Variants in NPAS3 observed in about 807,000 individuals in gnomAD.
NPAS3 encodes the protein neuronal PAS domain-containing protein 3.
NPAS3 carries 14 observed loss-of-function variants against 73.1 expected under a neutral mutation model. That is an observed-to-expected ratio of 0.19 (90% CI 0.13 to 0.30). NPAS3 has a LOEUF of 0.30. Among genes scored for constraint, NPAS3 ranks in the 10% least tolerant of loss-of-function variants. The pLI is 1.00. For synonymous variants in NPAS3, 620 were observed against 541.5 expected (o/e 1.14, Z -2.01); for missense variants, 1,096 against 1,250.0 (o/e 0.88, Z 1.86).
intron 2 of NPAS3, among the ~76,000 whole-genome samples, chr14:33,167,671 C>T (rs1012464447): frequency 6.6e-6 from 1 of 152,236 alleles, no homozygotes; most frequent in Non-Finnish European, 1.5e-5. Flanking sequence ...TTCTTGAATG[C>T]ACATTTGTGA....
At chr14:33,680,992 G>A (rs544545649) in intron 6 of NPAS3, 9 of 216,842 alleles carry the variant, frequency 4.2e-5, no homozygotes, top group Middle Eastern at 3.2e-3. Context: ...CCAGCAAAAT[G>A]GAAACAGTAG....
chr14:33,683,984 G>GAA (rs1012876886), intron 6 of NPAS3, among the ~76,000 whole-genome samples: 2 of 152,126 alleles, frequency 1.3e-5, no homozygotes, highest in African/African-American at 4.8e-5. Flanking sequence ...ACAGCTGGAG[G>GAA]AAAAAGTGAT....
rs566203688 is a variant in NPAS3, at chr14:33,413,362, G to A, written c.468+46094G>A. On this transcript the variant is annotated intron_variant, in intron 4 of 11. Transcript: ENST00000356141. ...GTCCCTGGAAGCTGCATGAGGGCACGGCCCCACTTGTGTCTGTGCTGTGAC... is the reference window on the plus strand; with the variant it reads ...GTCCCTGGAAGCTGCATGAGGGCACAGCCCCACTTGTGTCTGTGCTGTGAC... Among the ~76,000 whole-genome samples, 6 of 151,930 alleles carry A rather than the reference G, an allele frequency of 3.9e-5. No individual in the cohort carries two copies. In the South Asian group the frequency reaches 6.3e-4, roughly 16 times the overall value.
chr14:33,199,055 C>T (rs561166869), intron 2 of NPAS3, among the ~76,000 whole-genome samples: 61 of 152,304 alleles, frequency 4.0e-4, no homozygotes, highest in East Asian at 1.7e-3. Context: ...GCCGAGCCCA[C>T]GCCCACCTGG....
chr14:33,134,595 A>G (rs550879403), intron 2 of NPAS3, among the ~76,000 whole-genome samples: 1 of 152,282 alleles, frequency 6.6e-6, no homozygotes, highest in Admixed American at 6.5e-5. Context: ...GCTGTTTTAA[A>G]GATGCTTTGC....
intron 5 of NPAS3, among the ~76,000 whole-genome samples, chr14:33,622,235 C>T (rs976622545): frequency 6.6e-6 from 1 of 151,974 alleles, no homozygotes; most frequent in African/African-American, 2.4e-5. Context: ...TCTACTGGGT[C>T]CAAGATTGGG....
chr14:33,366,289 C>T (rs978232871), intron 3 of NPAS3, among the ~76,000 whole-genome samples: 5 of 150,692 alleles, frequency 3.3e-5, no homozygotes, highest in African/African-American at 1.2e-4. Flanking sequence ...AAAAAATAGG[C>T]AGAAGAACAG....
intron 3 of NPAS3, among the ~76,000 whole-genome samples, chr14:33,308,975 C>T (rs1392442828): frequency 1.3e-5 from 2 of 151,770 alleles, no homozygotes; most frequent in Non-Finnish European, 1.5e-5. Flanking sequence ...GAGAAATTTG[C>T]GAAAGAAAAA....
At chr14:33,003,524 A>AT (rs993958226) in intron 1 of NPAS3, among the ~76,000 whole-genome samples, 5 of 152,152 alleles carry the variant, frequency 3.3e-5, no homozygotes, top group African/African-American at 4.8e-5. Context: ...ACAGTTTAAG[A>AT]TTTTTTTCTG....
intron 2 of NPAS3, among the ~76,000 whole-genome samples, chr14:33,159,649 A>G (rs951608531): frequency 1.4e-5 from 2 of 144,534 alleles, no homozygotes; most frequent in Non-Finnish European, 3.0e-5. Flanking sequence ...CGCCTCCCGG[A>G]TTCACACCAT....
chr14:33,087,315 C>T (rs1035503395), intron 2 of NPAS3, among the ~76,000 whole-genome samples: 1 of 146,400 alleles, frequency 6.8e-6, no homozygotes, highest in Non-Finnish European at 1.5e-5. Flanking sequence ...TTAAAGACTT[C>T]AAGCCTAACA....
At chr14:33,789,440 G>C (rs1035742228) in intron 9 of NPAS3, among the ~76,000 whole-genome samples, 6 of 152,132 alleles carry the variant, frequency 3.9e-5, no homozygotes, top group African/African-American at 1.4e-4. Context: ...TCCCAGTTAC[G>C]TCTGGGACCT....
chr14:33,255,662 T>C lies in NPAS3; in HGVS notation c.385+40236T>C, dbSNP rs188361518. ...GACTCAGCCTGGTCTCACCCTGTTA[T>C]AGATAAACACCTTCAAATGCAGATT... On this transcript the variant is annotated intron_variant, in intron 3 of 11. Transcript: ENST00000356141. Among the ~76,000 whole-genome samples the C allele has an allele frequency of 8.5e-5, 13 of 152,306 alleles. No individual in the cohort carries two copies. In the East Asian group the frequency reaches 2.3e-3, roughly 27 times the overall value.
chr14:33,659,209 A>G (rs2059236204), intron 5 of NPAS3, among the ~76,000 whole-genome samples: 4 of 152,212 alleles, frequency 2.6e-5, no homozygotes, highest in Non-Finnish European at 5.9e-5. Flanking sequence ...TGTTTTACAC[A>G]TTGTATGCAT....
At chr14:33,675,688 C>T (rs879794097) in intron 5 of NPAS3, among the ~76,000 whole-genome samples, 3 of 152,136 alleles carry the variant, frequency 2.0e-5, no homozygotes, top group African/African-American at 7.2e-5. Flanking sequence ...TATTTGTAAG[C>T]AGCCCTTCTT....
chr14:32,971,048 T>C (rs1018222956), intron 1 of NPAS3, among the ~76,000 whole-genome samples: 3 of 151,982 alleles, frequency 2.0e-5, no homozygotes, highest in Non-Finnish European at 2.9e-5. Context: ...GCAATTAAGA[T>C]TGGACTTTAG....
chr14:32,937,768 C>G (rs547386180), upstream of NPAS3, among the ~76,000 whole-genome samples: 2 of 152,308 alleles, frequency 1.3e-5, no homozygotes, highest in South Asian at 2.1e-4. Flanking sequence ...TGTTTTCCAT[C>G]AGGCGCTTTC....
chr14:33,197,689 T>G (rs2046422792), intron 2 of NPAS3, among the ~76,000 whole-genome samples: 2 of 152,202 alleles, frequency 1.3e-5, no homozygotes, highest in Admixed American at 1.3e-4. Context: ...GCAGAAGACA[T>G]CTCTAGATAG....
intron 3 of NPAS3, among the ~76,000 whole-genome samples, chr14:33,339,711 AGGTCTAATTT>A (rs1275896068): frequency 1.3e-5 from 2 of 152,052 alleles, no homozygotes; most frequent in East Asian, 3.9e-4. Flanking sequence ...ATGACAGTTG[AGGTCTAATTT>A]GGAGAAAAAA....
Sources: gnomAD v4.1 joint callset for allele counts (sites outside exome capture counted in the v4.1 genomes callset) on GRCh38, gnomAD v4.1.1 for gene constraint, MANE v1.5 for transcripts, NCBI Gene and HGNC (gene_info 2026-07-23, HGNC 2026-07-21) for gene names.